Variants in MACROH2A2 observed in about 807,000 individuals in gnomAD.
MACROH2A2 encodes the protein core histone macro-H2A.2.
Under a neutral mutation model 37.6 loss-of-function variants are expected in MACROH2A2, and 6 were observed. The observed-to-expected ratio is 0.16, with a 90% confidence interval of 0.09 to 0.32. The LOEUF is 0.32. Ranked by LOEUF, MACROH2A2 falls within the 10% of genes least tolerant of loss-of-function variation. MACROH2A2 has a pLI of 1.00. For missense variants in MACROH2A2, 290 were observed against 485.9 expected, an observed-to-expected ratio of 0.60 and a Z score of 3.79; for synonymous variants, 192 against 202.7, an observed-to-expected ratio of 0.95 and a Z score of 0.45.
intron 3 of MACROH2A2, 84 bp from the exon 4 acceptor site, chr10:70,091,673 C>CAAA (rs571416539): frequency 0.042 from 28,761 of 684,370 alleles, 634 homozygotes; most frequent in African/African-American, 0.12. Context: ...GATTCTGTAT[C>CAAA]AAAAAAAAAA....
chr10:70,091,735 G>A (rs977013397), intron 3 of MACROH2A2, 22 bp from the exon 4 acceptor site: 6 of 1,560,402 alleles, frequency 3.8e-6, no homozygotes, highest in Middle Eastern at 1.7e-4. Context: ...TGCTACATGA[G>A]CGCATGCATT....
Position 70,055,685 on chromosome 10 carries a change from T to A in MACROH2A2, c.-60+2685T>A, listed in dbSNP as rs555332561. On this transcript the variant is annotated intron_variant, in intron 1 of 8. Transcript: ENST00000373255. The stretch of plus-strand genomic sequence containing the variant: ...TGGGAAAACAGGTACTTTCATATAC[T>A]GCTGACTGGTGTGTAAATTGATATA... Among the ~76,000 whole-genome samples, 7 of 152,344 alleles carry A rather than the reference T, an allele frequency of 4.6e-5. No homozygotes were observed. In the East Asian group the frequency reaches 1.3e-3, roughly 29 times the overall value.
intron 7 of MACROH2A2, among the ~76,000 whole-genome samples, chr10:70,104,536 G>A (rs971102708): frequency 2.0e-5 from 3 of 152,108 alleles, no homozygotes; most frequent in Non-Finnish European, 4.4e-5. Flanking sequence ...TTAGCTGGGC[G>A]TGGTGGTGGG....
chr10:70,070,500 GT>G (rs2072102746), intron 1 of MACROH2A2, among the ~76,000 whole-genome samples: 1 of 152,058 alleles, frequency 6.6e-6, no homozygotes, highest in Non-Finnish European at 1.5e-5. Flanking sequence ...TTGTTTGTTT[GT>G]TTGTTTTTGA....
chr10:70,058,874 G>A (rs1175296304), intron 1 of MACROH2A2, among the ~76,000 whole-genome samples: 1 of 152,068 alleles, frequency 6.6e-6, no homozygotes, highest in Non-Finnish European at 1.5e-5. Flanking sequence ...TCAATGAAGT[G>A]ATCATTGACT....
chr10:70,093,317 A>G (rs145735111), intron 4 of MACROH2A2, among the ~76,000 whole-genome samples: 3 of 152,324 alleles, frequency 2.0e-5, no homozygotes, highest in Admixed American at 6.5e-5. Context: ...CTATTGGACA[A>G]CCCTACTGTA....
intron 7 of MACROH2A2, among the ~76,000 whole-genome samples, chr10:70,106,046 G>A (rs1330308078): frequency 6.6e-6 from 1 of 152,170 alleles, no homozygotes; most frequent in African/African-American, 2.4e-5. Context: ...CTGAGGTGCT[G>A]TTAAAAGAAA....
At chr10:70,098,772 G>A (rs1336319296) in intron 6 of MACROH2A2, 2 of 152,426 alleles carry the variant, frequency 1.3e-5, no homozygotes. Flanking sequence ...CTGTATTGGT[G>A]TGATGCTGGT....
intron 6 of MACROH2A2, among the ~76,000 whole-genome samples, chr10:70,097,861 C>T (rs755257481): frequency 6.6e-6 from 1 of 152,170 alleles, no homozygotes; most frequent in Non-Finnish European, 1.5e-5. Flanking sequence ...GTAGTCCCAG[C>T]TACTTGGGAA....
chr10:70,109,264 C>T (rs1242550380), intron 8 of MACROH2A2, 57 bp downstream of exon 8: 1 of 1,436,192 alleles, frequency 7.0e-7, no homozygotes, highest in Admixed American at 1.7e-5. Flanking sequence ...AAATCAGCTG[C>T]TCCCCCACTT....
intron 3 of MACROH2A2, among the ~76,000 whole-genome samples, chr10:70,091,024 G>A (rs1463539166): frequency 6.6e-6 from 1 of 152,232 alleles, no homozygotes; most frequent in Non-Finnish European, 1.5e-5. Context: ...AGCATGGCCA[G>A]ACATACTTTA....
At chr10:70,062,659 C>T (rs1260973127) in intron 1 of MACROH2A2, among the ~76,000 whole-genome samples, 1 of 152,154 alleles carries the variant, frequency 6.6e-6, no homozygotes, top group African/African-American at 2.4e-5. Context: ...ATCGGTGTGA[C>T]CGAACCCCAC....
At position 70,075,907 on chromosome 10, in the gene MACROH2A2, G is replaced by A. The variant is rs2136625550; in HGVS notation, c.172+77G>A. ...CTGGGTCCCCCTCGCAGGCTGGGGA[G>A]GGATGCTCCAAATTGCCTTTTGGCT... On this transcript the variant is annotated intron_variant, in intron 2 of 8. Coordinates refer to ENST00000373255, the MANE Select transcript of MACROH2A2 (RefSeq NM_018649.3). This position sits in a 1 kb window ranked among gnomAD's most constrained non-coding sequence, Gnocchi z 5.0. The A allele has an allele frequency of 2.4e-6, 3 of 1,271,538 alleles. No individual in the cohort carries two copies. The highest frequency in any genetic ancestry group is 5.4e-4 in the Middle Eastern group (2 of 3,674). The allele number at this position is 1,271,538 out of a possible 1,614,324, so 78.8% of individuals were successfully genotyped here. A position where few individuals can be genotyped will look rare whatever the true frequency, so the allele number is the denominator to read the frequency against.
At chr10:70,110,334 A>AC (rs922940646) in intron 8 of MACROH2A2, among the ~76,000 whole-genome samples, 2 of 151,002 alleles carry the variant, frequency 1.3e-5, no homozygotes, top group Admixed American at 6.6e-5. Context: ...ACTTTCATTA[A>AC]CCCCGCCATG....
chr10:70,080,738 C>T (rs369435512), intron 2 of MACROH2A2, among the ~76,000 whole-genome samples: 8 of 151,302 alleles, frequency 5.3e-5, no homozygotes, highest in East Asian at 1.9e-4. Context: ...AAAAATAAGC[C>T]GGGCATGGTG....
chr10:70,061,365 A>G (rs1002993225), intron 1 of MACROH2A2, among the ~76,000 whole-genome samples: 1 of 152,248 alleles, frequency 6.6e-6, no homozygotes. Context: ...AAAGAAAACT[A>G]AAATTATTTT....
intron 7 of MACROH2A2, among the ~76,000 whole-genome samples, chr10:70,104,287 A>G (rs1186793148): frequency 6.6e-6 from 1 of 152,162 alleles, no homozygotes; most frequent in East Asian, 1.9e-4. Context: ...TTAGTATAAC[A>G]GCAAGCAAGA....
rs899920774 is a variant in MACROH2A2 at position 70,053,069 on chromosome 10, G to T, written c.-60+69G>T. 2 of 152,482 alleles carry T rather than the reference G, an allele frequency of 1.3e-5. No individual in the cohort carries two copies. Among genetic ancestry groups the T allele is most frequent in the Non-Finnish European group, 2.9e-5 (2 of 68,176 alleles). The allele number at this position is 152,482 out of a possible 1,614,324, so 9.4% of individuals were successfully genotyped here. Reference sequence around the variant, plus strand: ...GGGTCTGGAAACAAAACGCGCCGCCGGGGCAGTGCAGGGGCCGGAGAGAAC... The same window carrying T: ...GGGTCTGGAAACAAAACGCGCCGCCTGGGCAGTGCAGGGGCCGGAGAGAAC... On this transcript the variant is annotated intron_variant, in intron 1 of 8. Transcript: ENST00000373255. This position sits in a 1 kb window ranked among gnomAD's most constrained non-coding sequence, Gnocchi z 4.8.
At chr10:70,100,741 C>T (rs774342474) in intron 7 of MACROH2A2, among the ~76,000 whole-genome samples, 4 of 152,032 alleles carry the variant, frequency 2.6e-5, no homozygotes, top group East Asian at 3.9e-4. Flanking sequence ...CTTAGCCTCC[C>T]GAGTTGCTGG....
Sources: allele counts gnomAD v4.1 joint callset (sites outside exome capture counted in the v4.1 genomes callset), GRCh38; gene constraint gnomAD v4.1.1; non-coding constraint Gnocchi (gnomAD v3.1); transcripts MANE v1.5; gene names NCBI Gene and HGNC (gene_info 2026-07-23, HGNC 2026-07-21).